GRM7: variants seen among roughly 807,000 people sequenced by gnomAD.
The protein encoded by GRM7 is metabotropic glutamate receptor 7.
A neutral mutation model predicts 84.5 loss-of-function variants in GRM7; 35 were observed. The observed-to-expected ratio is 0.41, with a 90% confidence interval of 0.32 to 0.55. GRM7 has a LOEUF of 0.55. Among genes scored for constraint, GRM7 ranks in the 20% least tolerant of loss-of-function variants. GRM7 has a pLI of 0.19. For missense variants in GRM7, 1,003 were observed against 1,194.6 expected, an observed-to-expected ratio of 0.84 and a Z score of 2.36; for synonymous variants, 487 against 455.1, an observed-to-expected ratio of 1.07 and a Z score of -0.89.
At chr3:7,441,137 T>C (rs556023052) in intron 5 of GRM7, among the ~76,000 whole-genome samples, 31 of 152,282 alleles carry the variant, frequency 2.0e-4, no homozygotes, top group African/African-American at 7.5e-4. Flanking sequence ...TTCCTTTTTT[T>C]TCTGCAACCT....
intron 7 of GRM7, among the ~76,000 whole-genome samples, chr3:7,537,100 G>A (rs1383445850): frequency 1.3e-5 from 2 of 152,152 alleles, no homozygotes; most frequent in African/African-American, 4.8e-5. Flanking sequence ...CTTCAGAGCT[G>A]CAGGTGATGT....
intron 7 of GRM7, among the ~76,000 whole-genome samples, chr3:7,505,073 G>T (rs1362058086): frequency 6.6e-6 from 1 of 152,196 alleles, no homozygotes; most frequent in African/African-American, 2.4e-5. Flanking sequence ...CATTCCAGGA[G>T]AGGGAAAGGA....
intron 2 of GRM7, among the ~76,000 whole-genome samples, chr3:7,290,183 A>C (rs1388193158): frequency 1.3e-5 from 2 of 152,192 alleles, no homozygotes; most frequent in African/African-American, 4.8e-5. Flanking sequence ...GTAACTCACA[A>C]AGTATCAACA....
chr3:6,914,550 G>A (rs1032379296), intron 1 of GRM7, among the ~76,000 whole-genome samples: 10 of 151,896 alleles, frequency 6.6e-5, no homozygotes, highest in African/African-American at 1.9e-4. Flanking sequence ...TTACAGGAAT[G>A]CACCAGCACG....
chr3:6,986,584 T>C (rs1694420852), intron 1 of GRM7, among the ~76,000 whole-genome samples: 1 of 152,204 alleles, frequency 6.6e-6, no homozygotes, highest in Non-Finnish European at 1.5e-5. Flanking sequence ...TTCATAATCT[T>C]GGAATTAACT....
chr3:7,416,522 A>G (rs573121489), intron 5 of GRM7, among the ~76,000 whole-genome samples: 31 of 152,284 alleles, frequency 2.0e-4, no homozygotes, highest in African/African-American at 6.3e-4. Context: ...CAGGTAATAC[A>G]TGGTATCAGG....
rs568348817 is a variant in GRM7, at chr3:7,427,102, A to T, written c.1174+11939A>T. 1.9e-4 allele frequency among the ~76,000 whole-genome samples: 29 copies of T among 152,298 alleles called. No homozygotes were observed. The South Asian group carries it at 6.0e-3, about 32-fold the overall frequency. On this transcript the variant is annotated intron_variant, in intron 5 of 9. Coordinates refer to ENST00000357716, the MANE Select transcript of GRM7 (RefSeq NM_000844.4). The stretch of plus-strand genomic sequence containing the variant: ...GTGATAAATGTTTCAGAAGCCCATT[A>T]TGTTGTTTTCCACAAGACACAAAAG...
At position 7,303,660 on chromosome 3, in the gene GRM7, C is replaced by A. The variant is rs1310026898; in HGVS notation, c.879-2838C>A. Among the ~76,000 whole-genome samples the A allele has an allele frequency of 1.3e-5, 2 of 151,962 alleles. 1 individual carries two copies. The highest frequency in any genetic ancestry group is 1.3e-4 in the Admixed American group (2 of 15,258). ...GTTAATATGACAGTCTTCATACTTT[C>A]ATTGTTATCTTTAATATTTTTTCTG... is the stretch of plus-strand genomic sequence containing the variant. On this transcript the variant is annotated intron_variant, in intron 3 of 9. Coordinates refer to ENST00000357716, the MANE Select transcript of GRM7 (RefSeq NM_000844.4).
At chr3:6,905,089 G>A (rs1000752132) in intron 1 of GRM7, among the ~76,000 whole-genome samples, 2 of 152,106 alleles carry the variant, frequency 1.3e-5, no homozygotes, top group African/African-American at 4.8e-5. Context: ...TGCCTTAGTT[G>A]TCTGGAGAAC....
At chr3:7,366,152 AATC>A (rs796119540) in intron 4 of GRM7, among the ~76,000 whole-genome samples, 7 of 151,860 alleles carry the variant, frequency 4.6e-5, no homozygotes, top group African/African-American at 1.7e-4. Flanking sequence ...GTAGATCTAA[AATC>A]ATACCTTCCA....
chr3:7,101,752 C>T (rs948271490), intron 1 of GRM7, among the ~76,000 whole-genome samples: 4 of 148,038 alleles, frequency 2.7e-5, no homozygotes, highest in Admixed American at 6.8e-5. Context: ...TTTATATATA[C>T]ATGTAAATAT....
Position 7,443,658 on chromosome 3 carries a change from C to T in GRM7, c.1175-8949C>T, listed in dbSNP as rs114635682. Among the ~76,000 whole-genome samples the T allele has an allele frequency of 3.1e-3, 470 of 152,272 alleles. 8 individuals are homozygous for T. The highest frequency in any genetic ancestry group is 0.011 in the African/African-American group (457 of 41,568). On this transcript the variant is annotated intron_variant, in intron 5 of 9. Transcript: ENST00000357716. ...AGAGCTTGATCAGGTTTATGTCTCT[C>T]TCTCTCTTTCTGTGTTGATTTGGTT...
chr3:6,914,553 C>T (rs535207209), intron 1 of GRM7, among the ~76,000 whole-genome samples: 1 of 151,950 alleles, frequency 6.6e-6, no homozygotes, highest in African/African-American at 2.4e-5. Context: ...CAGGAATGCA[C>T]CAGCACGCCT....
At chr3:7,652,871 G>A (rs1229659405) in intron 8 of GRM7, among the ~76,000 whole-genome samples, 1 of 152,126 alleles carries the variant, frequency 6.6e-6, no homozygotes, top group Non-Finnish European at 1.5e-5. Context: ...AAGGACCAGG[G>A]CTAAGTATGT....
In GRM7 at chr3:7,021,091, C is replaced by T. The variant is rs548203080; in HGVS notation, c.520-125361C>T. On this transcript the variant is annotated intron_variant, in intron 1 of 9. Coordinates refer to ENST00000357716, the MANE Select transcript of GRM7 (RefSeq NM_000844.4). ...ACATTATTTTTAATGATTCATGACACCTTATTATCTTTGAGCTATTAAATA... is the reference window on the plus strand; with the variant it reads ...ACATTATTTTTAATGATTCATGACATCTTATTATCTTTGAGCTATTAAATA... 9.9e-5 allele frequency among the ~76,000 whole-genome samples: 15 copies of T among 152,240 alleles called. No homozygotes were observed. The South Asian group carries it at 3.1e-3, about 32-fold the overall frequency.
At chr3:7,326,305 A>G (rs1299956776) in intron 4 of GRM7, among the ~76,000 whole-genome samples, 1 of 152,088 alleles carries the variant, frequency 6.6e-6, no homozygotes, top group African/African-American at 2.4e-5. Flanking sequence ...TGTTGGGCTA[A>G]TTTTGTCTTG....
chr3:7,635,412 G>C (rs1318238537), intron 8 of GRM7, among the ~76,000 whole-genome samples: 3 of 152,186 alleles, frequency 2.0e-5, no homozygotes, highest in Non-Finnish European at 4.4e-5. Context: ...GAACTTTGAA[G>C]CATGGAGTTG....
intron 2 of GRM7, among the ~76,000 whole-genome samples, chr3:7,249,506 A>G (rs1697898847): frequency 1.3e-5 from 2 of 152,246 alleles, no homozygotes; most frequent in Admixed American, 1.3e-4. Flanking sequence ...TGCTTATATT[A>G]AAAACTATAG....
At chr3:7,352,859 A>C (rs1693222243) in intron 4 of GRM7, among the ~76,000 whole-genome samples, 1 of 152,094 alleles carries the variant, frequency 6.6e-6, no homozygotes, top group South Asian at 2.1e-4. Context: ...AGGGTCCTCC[A>C]ACATGTCCCT....
Sources: gnomAD v4.1 joint callset for allele counts (sites outside exome capture counted in the v4.1 genomes callset) on GRCh38, gnomAD v4.1.1 for gene constraint, MANE v1.5 for transcripts, NCBI Gene and HGNC (gene_info 2026-07-23, HGNC 2026-07-21) for gene names.